The following IRAK3 variants were observed in gnomAD, a reference collection of about 807,000 sequenced individuals.
IRAK3 encodes interleukin-1 receptor-associated kinase 3.
IRAK3 carries 57 observed loss-of-function variants against 56.6 expected under a neutral mutation model. The observed-to-expected ratio is 1.01, with a 90% confidence interval of 0.81 to 1.26. The LOEUF is 1.26. Among genes scored for constraint, IRAK3 ranks in the 50% most tolerant of loss-of-function variants. IRAK3 has a pLI of 0.00. For synonymous variants in IRAK3, 258 were observed against 255.7 expected, an observed-to-expected ratio of 1.01 and a Z score of -0.09; for missense variants, 703 against 719.0, an observed-to-expected ratio of 0.98 and a Z score of 0.25.
intron 1 of IRAK3, among the ~76,000 whole-genome samples, chr12:66,191,909 GGTGA>G (rs1465746323): frequency 1.3e-5 from 2 of 152,166 alleles, no homozygotes; most frequent in African/African-American, 4.8e-5. Context: ...TCTTGATGAC[GGTGA>G]GTGTCAGGTT....
At chr12:66,229,573 G>A (rs182264250) in intron 8 of IRAK3, among the ~76,000 whole-genome samples, 83 of 152,254 alleles carry the variant, frequency 5.5e-4, no homozygotes, top group African/African-American at 1.7e-3. Context: ...CTAGAGGGGC[G>A]GGGTGACCTA....
intron 5 of IRAK3, among the ~76,000 whole-genome samples, chr12:66,215,786 G>GCACGTGCACGTGCGCGCGCGCGCA (rs368883846): frequency 0.018 from 2,150 of 122,780 alleles, 42 homozygotes; most frequent in Middle Eastern, 0.032. Flanking sequence ...AACCCAACAT[G>GCACGTGCACGTGCGCGCGCGCGCA]CACACACACA....
intron 6 of IRAK3, among the ~76,000 whole-genome samples, chr12:66,218,459 T>C (rs2052699104): frequency 6.6e-6 from 1 of 152,330 alleles, no homozygotes; most frequent in South Asian, 2.1e-4. Flanking sequence ...CAAATGGTTA[T>C]GTGCATTTTA....
chr12:66,216,156 C>A (rs907932373), intron 5 of IRAK3, among the ~76,000 whole-genome samples: 1 of 152,088 alleles, frequency 6.6e-6, no homozygotes, highest in African/African-American at 2.4e-5. Flanking sequence ...AACAAAAAAA[C>A]CGACTCCTTC....
In IRAK3 at chr12:66,245,771, A is replaced by G. The variant is rs1324421124; in HGVS notation, c.1314+509A>G. On this transcript the variant is annotated intron_variant, in intron 11 of 11. Coordinates refer to ENST00000261233, the MANE Select transcript of IRAK3 (RefSeq NM_007199.3). ...GGTCTCGAACTCCTGACCTCAAGTG[A>G]TCCACCCGCCTTGGCCTCCCAAAGT... Among the ~76,000 whole-genome samples the G allele has an allele frequency of 4.6e-5, 7 of 152,136 alleles. No homozygotes were observed. The East Asian group carries it at 1.2e-3, about 25-fold the overall frequency.
intron 5 of IRAK3, 109 bp downstream of exon 5, chr12:66,211,706 A>G (rs2052614093): frequency 2.1e-6 from 2 of 942,822 alleles, no homozygotes; most frequent in Non-Finnish European, 1.7e-6. Flanking sequence ...TGAAAATAAA[A>G]TTTTATAAGT....
At position 66,251,253 on chromosome 12, in the gene IRAK3, G is replaced by A. The variant is rs1486100087; in HGVS notation, c.*3082G>A. 2.6e-5 allele frequency: 4 copies of A among 152,182 alleles called. No homozygotes were observed. The highest frequency in any genetic ancestry group is 4.8e-5 in the African/African-American group (2 of 41,442). 9.4% of individuals were successfully genotyped at this position (152,182 alleles called of 1,614,324 possible). A position where few individuals can be genotyped will look rare whatever the true frequency, so the allele number is the denominator to read the frequency against. Reference sequence around the variant, plus strand: ...GTGGCTGGGAAGTACCAAATCTTCTGTTGAGTGATTCAGTCTTCCTGACTA... The same window carrying A: ...GTGGCTGGGAAGTACCAAATCTTCTATTGAGTGATTCAGTCTTCCTGACTA... On this transcript the variant is annotated 3_prime_UTR_variant, in exon 12 of 12. Coordinates refer to ENST00000261233, the MANE Select transcript of IRAK3 (RefSeq NM_007199.3).
chr12:66,226,883 C>T (rs1035462503), intron 7 of IRAK3, 46 bp downstream of exon 7: 3 of 1,163,380 alleles, frequency 2.6e-6, no homozygotes, highest in Non-Finnish European at 3.9e-6. Context: ...CCCCTTGAAT[C>T]CCTGGGAGAG....
At chr12:66,233,865 A>C (rs996383311) in intron 8 of IRAK3, among the ~76,000 whole-genome samples, 5 of 150,714 alleles carry the variant, frequency 3.3e-5, no homozygotes, top group Admixed American at 1.3e-4. Context: ...GTTCGGGGGA[A>C]CAGCTACTAG....
rs557691003 is a variant in IRAK3 at position 66,253,434 on chromosome 12, C to T, written c.*5263C>T. The T allele has an allele frequency of 8.5e-5, 13 of 152,216 alleles. No homozygotes were observed. The highest frequency in any genetic ancestry group is 2.6e-4 in the Admixed American group (4 of 15,298). The allele number at this position is 152,216 out of a possible 1,614,324, so 9.4% of individuals were successfully genotyped here. ...TTGTTGTGTTTTGTATCTGTCTTCC[C>T]GTTCCAAATCATTTATATATACTTG... is the stretch of plus-strand genomic sequence containing the variant. On this transcript the variant is annotated 3_prime_UTR_variant, in exon 12 of 12. Transcript: ENST00000261233.
intron 6 of IRAK3, among the ~76,000 whole-genome samples, chr12:66,223,428 G>C (rs1229514671): frequency 6.6e-6 from 1 of 151,936 alleles, no homozygotes; most frequent in African/African-American, 2.4e-5. Flanking sequence ...GGGAGGCCGA[G>C]GCAGGCGGAT....
intron 6 of IRAK3, among the ~76,000 whole-genome samples, chr12:66,222,118 G>A (rs1180555537): frequency 1.3e-5 from 2 of 152,282 alleles, no homozygotes; most frequent in Admixed American, 6.5e-5. Flanking sequence ...GGCCATCATG[G>A]ATATTGGCAT....
intron 1 of IRAK3, among the ~76,000 whole-genome samples, chr12:66,195,627 G>A (rs1592573887): frequency 6.6e-6 from 1 of 151,950 alleles, no homozygotes; most frequent in African/African-American, 2.4e-5. Context: ...TCATGTTTTT[G>A]TTTAACTATT....
intron 8 of IRAK3, among the ~76,000 whole-genome samples, chr12:66,241,969 C>T (rs1324030211): frequency 1.3e-5 from 2 of 152,108 alleles, no homozygotes; most frequent in Non-Finnish European, 2.9e-5. Flanking sequence ...CCTTTTTGTA[C>T]TTAAAAGATT....
chr12:66,247,912 A>C lies in IRAK3; in HGVS notation c.1532A>C (p.Gln511Pro). ...CAGAAAACTCCTTTTGAATGCAGCC[A>C]GTCTGAGGTTATGTTTCTGAGCTTG... is the stretch of plus-strand genomic sequence containing the variant. The part of the protein sequence containing the change: ...MTQKTPFECS[Q>P]SEVMFLSLDK... Residue 511 changes from glutamine to proline, a missense_variant, in exon 12 of 12, where the codon CAG becomes CCG. Coordinates refer to ENST00000261233, the MANE Select transcript of IRAK3 (RefSeq NM_007199.3). The C allele has an allele frequency of 6.2e-7, 1 of 1,614,242 alleles. No homozygotes were observed. Among genetic ancestry groups the C allele is most frequent in the South Asian group, 1.1e-5 (1 of 91,086 alleles).
intron 5 of IRAK3, among the ~76,000 whole-genome samples, chr12:66,213,159 T>C (rs891590037): frequency 1.2e-4 from 18 of 152,128 alleles, no homozygotes; most frequent in Admixed American, 2.6e-4. Context: ...CGCCTTACGA[T>C]GCAGACAAGA....
At chr12:66,189,462 C>T in intron 1 of IRAK3, 30 bp downstream of exon 1, 6 of 1,122,900 alleles carry the variant, frequency 5.3e-6, no homozygotes, top group East Asian at 9.2e-5. Context: ...CCGGGGGCGG[C>T]GGGGGAGCCC....
rs922658818 is a variant in IRAK3 at position 66,249,457 on chromosome 12, C to T, written c.*1286C>T. The T allele has an allele frequency of 1.3e-5, 2 of 152,252 alleles. No homozygotes were observed. The highest frequency in any genetic ancestry group is 2.9e-5 in the Non-Finnish European group (2 of 68,062). 9.4% of individuals were successfully genotyped at this position (152,252 alleles called of 1,614,324 possible). A position where few individuals can be genotyped will look rare whatever the true frequency, so the allele number is the denominator to read the frequency against. On this transcript the variant is annotated 3_prime_UTR_variant, in exon 12 of 12. Coordinates refer to ENST00000261233, the MANE Select transcript of IRAK3 (RefSeq NM_007199.3). ...GGGATTACAGGCGTGAGCCACCGCG[C>T]CCAGCCTTCATCTCTTTTACTAGGT...
intron 1 of IRAK3, among the ~76,000 whole-genome samples, chr12:66,202,319 A>G (rs945352015): frequency 2.0e-4 from 31 of 152,274 alleles, no homozygotes; most frequent in African/African-American, 7.0e-4. Context: ...CAATTCTGGC[A>G]CCAGGATTGA....
Sources: allele counts gnomAD v4.1 joint callset (sites outside exome capture counted in the v4.1 genomes callset), GRCh38; gene constraint gnomAD v4.1.1; transcripts MANE v1.5; gene names NCBI Gene and HGNC (gene_info 2026-07-23, HGNC 2026-07-21).